SLC22A31: variants seen among roughly 807,000 people sequenced by gnomAD.
SLC22A31 encodes the protein solute carrier family 22 member 31.
Under a neutral mutation model 27.4 loss-of-function variants are expected in SLC22A31, and 42 were observed. That is an observed-to-expected ratio of 1.53 (90% CI 1.20 to 1.98). The LOEUF (loss-of-function observed/expected upper bound fraction) is 1.98. Among genes scored for constraint, SLC22A31 ranks in the 30% most tolerant of loss-of-function variants. SLC22A31 has a pLI of 0.00. For missense variants in SLC22A31, 593 were observed against 479.9 expected, an observed-to-expected ratio of 1.24 and a Z score of -2.20; for synonymous variants, 290 against 230.8, an observed-to-expected ratio of 1.26 and a Z score of -2.33.
chr16:89,198,547 A>T lies in SLC22A31; in HGVS notation c.602T>A (p.Leu201Gln). 1 of 1,506,846 alleles carries T rather than the reference A, an allele frequency of 6.6e-7. No homozygotes were observed. The allele number at this position is 1,506,846 out of a possible 1,614,324, so 93.3% of individuals were successfully genotyped here. Residue 201 changes from leucine to glutamine, a missense_variant, in exon 6 of 9, where the codon CTG becomes CAG. Transcript: ENST00000682282. ...GGGGCTCCGTGCAGACAGCATGGTC[A>T]GCTCTGTAGCCGCAGAGATGTGAGG... is the stretch of plus-strand genomic sequence containing the variant. ...SLEENSLATE[L>Q]TMLSARSPQP...
rs1916025624 is a variant in SLC22A31, at chr16:89,197,198, C to G, written c.1034+100G>C. ...GGATGGAGGAATCACAGGCAGGAAC[C>G]TGGGTGGGGTATGGGGACAGGGCCT... On this transcript the variant is annotated intron_variant, in intron 8 of 8. Transcript: ENST00000682282. The G allele has an allele frequency of 5.8e-6, 5 of 863,804 alleles. No individual in the cohort carries two copies. The East Asian group carries it at 8.1e-5, about 14-fold the overall frequency. 53.5% of individuals were successfully genotyped at this position (863,804 alleles called of 1,614,324 possible). A position where few individuals can be genotyped will look rare whatever the true frequency, so the allele number is the denominator to read the frequency against.
At chr16:89,198,575 AG>A (rs1916215132) in intron 5 of SLC22A31, 25 bp from the exon 6 acceptor site, 4 of 1,512,746 alleles carry the variant, frequency 2.6e-6, no homozygotes, top group Non-Finnish European at 3.5e-6. Flanking sequence ...ATGTGAGGGG[AG>A]GGGGGTGAGG....
Position 89,196,197 on chromosome 16 carries a change from G to A in SLC22A31, c.1143C>T (p.Phe381=), listed in dbSNP as rs753841417. 4.9e-5 allele frequency: 75 copies of A among 1,534,998 alleles called. No homozygotes were observed. The highest frequency in any genetic ancestry group is 5.7e-5 in the Non-Finnish European group (65 of 1,146,530). The change falls in exon 9 of 9, where the codon TTC becomes TTT. Residue 381 remains phenylalanine, a synonymous_variant. Transcript: ENST00000682282. Reference sequence around the variant, plus strand: ...GCAGGGCAAGGACAGCAAGGGAGGCGAAGACGACTTGTTGCAGGAAGAAGC... The same window carrying A: ...GCAGGGCAAGGACAGCAAGGGAGGCAAAGACGACTTGTTGCAGGAAGAAGC... ...RQGFFLQQVV[F]ASLAVLALLC... is the part of the protein sequence containing the mutation.
At chr16:89,196,522 A>G (rs1348720611) in intron 8 of SLC22A31, 1 of 789,708 alleles carries the variant, frequency 1.3e-6, no homozygotes, top group Non-Finnish European at 1.9e-6. Flanking sequence ...TGGGGGACAC[A>G]CATGTGACTC....
At position 89,195,933 on chromosome 16, in the gene SLC22A31, G is replaced by C; in HGVS notation, c.*66C>G. ...TGTCTGCCCTGGACCAGACGTCTGG[G>C]GTACTCAGCCATGCCCCAGGCCTTG... On this transcript the variant is annotated 3_prime_UTR_variant, in exon 9 of 9. Coordinates refer to ENST00000682282, the MANE Select transcript of SLC22A31 (RefSeq NM_001384763.1). The C allele has an allele frequency of 1.4e-6, 2 of 1,419,912 alleles. No homozygotes were observed. Among genetic ancestry groups the C allele is most frequent in the Non-Finnish European group, 1.8e-6 (2 of 1,083,940 alleles). The allele number at this position is 1,419,912 out of a possible 1,614,324, so 88.0% of individuals were successfully genotyped here.
chr16:89,200,009 G>T (rs1177830966), intron 1 of SLC22A31, 193 bp from the exon 2 acceptor site: 3 of 395,096 alleles, frequency 7.6e-6, no homozygotes, highest in Admixed American at 8.8e-5. Context: ...CTGGTCTCCG[G>T]CAGCCCCTGC....
At chr16:89,197,457 A>C (rs1268847954) in intron 7 of SLC22A31, 48 bp from the exon 8 acceptor site, 33 of 1,368,282 alleles carry the variant, frequency 2.4e-5, no homozygotes, top group Non-Finnish European at 3.2e-5. Flanking sequence ...CAGGCCTTCC[A>C]CCCTGGCCAC....
chr16:89,196,503 G>A (rs1915939871), intron 8 of SLC22A31, 198 bp from the exon 9 acceptor site: 8 of 978,678 alleles, frequency 8.2e-6, no homozygotes, highest in African/African-American at 1.7e-5. Context: ...AGCTGGTGGG[G>A]CAACAGATTG....
chr16:89,199,112 C>A lies in SLC22A31; in HGVS notation c.363G>T (p.Leu121=), dbSNP rs2151613977. The A allele has an allele frequency of 2.6e-6, 4 of 1,534,524 alleles. No individual in the cohort carries two copies. Among genetic ancestry groups the A allele is most frequent in the Non-Finnish European group, 3.5e-6 (4 of 1,146,330 alleles). The stretch of plus-strand genomic sequence containing the variant: ...GCACAAGCGCAGCCAGGCCGGGCAG[C>A]AGCAGGGTGCCCACCACCGAGAAAA... The part of the protein sequence containing the change: ...AGLFSVVGTL[L]LPGLAALVQD... Residue 121 remains leucine (L), a synonymous_variant, in exon 4 of 9, where the codon CTG becomes CTT. Transcript: ENST00000682282.
In SLC22A31 at chr16:89,199,184, C is replaced by T. The variant is rs1410347793; in HGVS notation, c.291G>A (p.Glu97=). Residue 97 remains glutamate (E), a synonymous_variant, in exon 4 of 9, where the codon GAG becomes GAA. Coordinates refer to ENST00000682282, the MANE Select transcript of SLC22A31 (RefSeq NM_001384763.1). ...ALLALYLARL[E]LCDPPHRLAF... ...CCAGGCGGTGGGGAGGGTCACACAA[C>T]TCCAGGCCTGGGCAGACACAGACAG... is the stretch of plus-strand genomic sequence containing the variant. The T allele has an allele frequency of 5.9e-6, 9 of 1,527,806 alleles. No individual in the cohort carries two copies. Among genetic ancestry groups the T allele is most frequent in the Non-Finnish European group, 8.7e-7 (1 of 1,142,996 alleles). The allele number at this position is 1,527,806 out of a possible 1,614,324, so 94.6% of individuals were successfully genotyped here.
upstream of SLC22A31, chr16:89,201,662 C>G: frequency 2.5e-6 from 1 of 396,626 alleles, no homozygotes; most frequent in Non-Finnish European, 4.5e-6. Context: ...CCTCCTGCTC[C>G]ATCGGTCGCA....
Position 89,198,261 on chromosome 16 carries a change from G to T in SLC22A31, c.783C>A (p.Tyr261Ter). ...CCGCCTCCAGGCCGGCCTCCAGGAA[G>T]TAGGGCAGGTAGAAGGTCGGCACCT... ...APQVPTFYLP[Y>*]FLEAGLEAAA... The change falls in exon 7 of 9, where the codon TAC becomes TAA. Residue 261 changes from tyrosine (Y) to a stop codon, truncating the protein, a stop_gained. Coordinates refer to ENST00000682282, the MANE Select transcript of SLC22A31 (RefSeq NM_001384763.1). LOFTEE classifies it high-confidence loss of function. The T allele has an allele frequency of 1.3e-6, 2 of 1,535,972 alleles. No homozygotes were observed. The highest frequency in any genetic ancestry group is 2.4e-5 in the South Asian group (2 of 84,068).
Position 89,198,670 on chromosome 16 carries a change from C to G in SLC22A31, c.580G>C (p.Glu194Gln), listed in dbSNP as rs536303203. 7.2e-6 allele frequency: 11 copies of G among 1,535,554 alleles called. No individual in the cohort carries two copies. The highest frequency in any genetic ancestry group is 9.6e-6 in the Non-Finnish European group (11 of 1,146,718). Reference protein sequence around the residue: ...GVGPGDSSLEENSLATELTML... With the variant: ...GVGPGDSSLEQNSLATELTML... The stretch of plus-strand genomic sequence containing the variant: ...GCCTGACCTGTAGCCAGGGAGTTCT[C>G]CTCCAAGGAACTGTCCCCGGGGCCC... Residue 194 changes from glutamate to glutamine, a missense_variant, in exon 5 of 9, where the codon GAG becomes CAG. Coordinates refer to ENST00000682282, the MANE Select transcript of SLC22A31 (RefSeq NM_001384763.1).
chr16:89,198,362 C>T (rs778864980), intron 6 of SLC22A31, 26 bp from the exon 7 acceptor site: 2 of 1,535,250 alleles, frequency 1.3e-6, no homozygotes, highest in Non-Finnish European at 1.7e-6. Context: ...AATCTATGGG[C>T]CCAGCCAGAG....
At chr16:89,197,162 G>A (rs1398557191) in intron 8 of SLC22A31, 136 bp downstream of exon 8, 21 of 645,152 alleles carry the variant, frequency 3.3e-5, no homozygotes, top group Admixed American at 1.6e-4. Context: ...GCTTTACCCC[G>A]AGTCCTTACT....
intron 7 of SLC22A31, among the ~76,000 whole-genome samples, chr16:89,197,811 A>G (rs1916110506): frequency 6.6e-6 from 1 of 152,196 alleles, no homozygotes; most frequent in African/African-American, 2.4e-5. Flanking sequence ...CTCCCACACC[A>G]GTCCATGGCC....
intron 1 of SLC22A31, chr16:89,200,109 C>T: frequency 6.8e-6 from 2 of 295,322 alleles, no homozygotes; most frequent in Non-Finnish European, 1.2e-5. Context: ...GCTCTTCCCC[C>T]ACGGCCAGCT....
Position 89,195,954 on chromosome 16 carries a change from C to T in SLC22A31, c.*45G>A. The T allele has an allele frequency of 6.9e-7, 1 of 1,453,188 alleles. No homozygotes were observed. Among genetic ancestry groups the T allele is most frequent in the Non-Finnish European group, 9.0e-7 (1 of 1,106,556 alleles). 90.0% of individuals were successfully genotyped at this position (1,453,188 alleles called of 1,614,324 possible). A position where few individuals can be genotyped will look rare whatever the true frequency, so the allele number is the denominator to read the frequency against. ...CTGGGGTACTCAGCCATGCCCCAGG[C>T]CTTGACTTTGGTCCCATCCTGGCTC... On this transcript the variant is annotated 3_prime_UTR_variant, in exon 9 of 9. Coordinates refer to ENST00000682282, the MANE Select transcript of SLC22A31 (RefSeq NM_001384763.1).
chr16:89,199,738 C>T lies in SLC22A31; in HGVS notation c.103G>A (p.Val35Ile), dbSNP rs1916368562. The T allele has an allele frequency of 2.5e-6, 1 of 405,026 alleles. No individual in the cohort carries two copies. Among genetic ancestry groups the T allele is most frequent in the Non-Finnish European group, 4.4e-6 (1 of 228,520 alleles). The allele number at this position is 405,026 out of a possible 1,614,324, so 25.1% of individuals were successfully genotyped here. The change falls in exon 2 of 9, where the codon GTC becomes ATC. Residue 35 changes from valine to isoleucine, a missense_variant. By Grantham distance (29) the Val-to-Ile change is conservative. Transcript: ENST00000682282. ...CGGTCACAGCCTGCTCCCAGGATGA[C>T]ACAGCCCAGCAGCCAGCCCAGGAGG... ...SHLLGWLLGCVILGAGCDRFG... is the reference protein window; with the variant it reads ...SHLLGWLLGCIILGAGCDRFG...
Sources: allele counts gnomAD v4.1 joint callset (sites outside exome capture counted in the v4.1 genomes callset), GRCh38; gene constraint gnomAD v4.1.1; transcripts MANE v1.5; gene names NCBI Gene and HGNC (gene_info 2026-07-23, HGNC 2026-07-21).